The following SIPA1L3 variants were observed in gnomAD, a reference collection of about 807,000 sequenced individuals.
The protein encoded by SIPA1L3 is signal induced proliferation associated 1 like 3.
A neutral mutation model predicts 150.1 loss-of-function variants in SIPA1L3; 59 were observed. The observed-to-expected ratio is 0.39, with a 90% CI of 0.32 to 0.49. The LOEUF (loss-of-function observed/expected upper bound fraction) is 0.49. SIPA1L3 is among the 20% of genes least tolerant of loss of function. The pLI is 0.86. For missense variants in SIPA1L3, 2,211 were observed against 2,489.5 expected (o/e 0.89, Z 2.38); for synonymous variants, 1,070 against 1,077.6 (o/e 0.99, Z 0.14).
intron 10 of SIPA1L3, among the ~76,000 whole-genome samples, chr19:38,137,770 G>T (rs898917661): frequency 6.6e-6 from 1 of 152,078 alleles, no homozygotes; most frequent in African/African-American, 2.4e-5. Flanking sequence ...AGCTGGGACT[G>T]CCCAGCTATG....
intron 1 of SIPA1L3, among the ~76,000 whole-genome samples, chr19:37,975,068 A>G (rs568719218): frequency 6.6e-6 from 1 of 152,192 alleles, no homozygotes; most frequent in Non-Finnish European, 1.5e-5. Context: ...TACGGTGCCT[A>G]CCAGACTCCA....
chr19:38,098,595 A>G (rs1280892376), intron 4 of SIPA1L3, among the ~76,000 whole-genome samples: 3 of 152,034 alleles, frequency 2.0e-5, no homozygotes, highest in Non-Finnish European at 4.4e-5. Flanking sequence ...GGGTTTTGCC[A>G]TGTTGGCCAG....
intron 1 of SIPA1L3, among the ~76,000 whole-genome samples, chr19:37,966,008 G>A (rs1243288146): frequency 6.6e-6 from 1 of 152,146 alleles, no homozygotes; most frequent in African/African-American, 2.4e-5. Flanking sequence ...TATTTTGCAC[G>A]GCCAAAGTGT....
At chr19:37,950,303 A>G (rs867600436) in intron 1 of SIPA1L3, among the ~76,000 whole-genome samples, 2 of 152,080 alleles carry the variant, frequency 1.3e-5, no homozygotes, top group African/African-American at 2.4e-5. Flanking sequence ...TAAGCACTCA[A>G]AGTATTAGTT....
chr19:38,072,919 C>T (rs1969755243), intron 2 of SIPA1L3, among the ~76,000 whole-genome samples: 1 of 152,332 alleles, frequency 6.6e-6, no homozygotes, highest in East Asian at 1.9e-4. Flanking sequence ...GCTTGCTTGT[C>T]GCAGGGGCAA....
At chr19:38,099,029 CTCT>C (rs1970440293) in intron 4 of SIPA1L3, among the ~76,000 whole-genome samples, 2 of 151,946 alleles carry the variant, frequency 1.3e-5, no homozygotes, top group Admixed American at 6.6e-5. Context: ...TTCTTCTCTT[CTCT>C]TCTTCTTTTC....
chr19:37,985,258 G>A (rs59585810), intron 1 of SIPA1L3, among the ~76,000 whole-genome samples: 1,915 of 150,954 alleles, frequency 0.013, 48 homozygotes, highest in African/African-American at 0.045. Flanking sequence ...GTGCAGTGGT[G>A]CAATCTTGGC....
At chr19:38,079,431 C>T (rs1046560912) in intron 2 of SIPA1L3, among the ~76,000 whole-genome samples, 2 of 152,134 alleles carry the variant, frequency 1.3e-5, no homozygotes, top group South Asian at 2.1e-4. Flanking sequence ...GTAGACAGAA[C>T]GAACAACTGC....
intron 15 of SIPA1L3, among the ~76,000 whole-genome samples, chr19:38,177,565 T>C (rs534853260): frequency 6.6e-6 from 1 of 152,302 alleles, no homozygotes; most frequent in Non-Finnish European, 1.5e-5. Flanking sequence ...TATTTCTTTT[T>C]TTCTCTATAC....
intron 12 of SIPA1L3, among the ~76,000 whole-genome samples, chr19:38,148,308 G>T (rs1002589698): frequency 6.6e-6 from 1 of 150,792 alleles, no homozygotes; most frequent in East Asian, 2.0e-4. Flanking sequence ...CTGAGATCGC[G>T]CCACTGCACT....
At chr19:37,963,946 T>A (rs1003171569) in intron 1 of SIPA1L3, 5 of 152,214 alleles carry the variant, frequency 3.3e-5, no homozygotes, top group African/African-American at 4.8e-5. Context: ...TGTTTTTTAA[T>A]TTTACTTTTT....
chr19:38,094,387 C>T (rs550597830), intron 4 of SIPA1L3, among the ~76,000 whole-genome samples: 1 of 152,162 alleles, frequency 6.6e-6, no homozygotes, highest in South Asian at 2.1e-4. Flanking sequence ...TAGCTGAGAC[C>T]ACAGGCATGC....
intron 1 of SIPA1L3, among the ~76,000 whole-genome samples, chr19:37,967,388 G>T (rs939402054): frequency 5.3e-5 from 8 of 151,818 alleles, no homozygotes; most frequent in Non-Finnish European, 1.0e-4. Flanking sequence ...CGAGTAGCTG[G>T]GATTACAGGC....
chr19:38,157,983 G>A (rs1046328491), intron 13 of SIPA1L3, among the ~76,000 whole-genome samples: 1 of 152,224 alleles, frequency 6.6e-6, no homozygotes, highest in African/African-American at 2.4e-5. Context: ...TCTCATGTCT[G>A]TAATCCCAGC....
At chr19:38,055,836 GCTTT>G (rs1969302817) in intron 2 of SIPA1L3, among the ~76,000 whole-genome samples, 1 of 152,216 alleles carries the variant, frequency 6.6e-6, no homozygotes, top group Non-Finnish European at 1.5e-5. Flanking sequence ...CTTGGGAGAA[GCTTT>G]AAAACCTGGC....
chr19:38,057,340 G>GTA (rs1032293249), intron 2 of SIPA1L3, among the ~76,000 whole-genome samples: 12 of 149,606 alleles, frequency 8.0e-5, no homozygotes, highest in African/African-American at 1.5e-4. Context: ...ACACACACAC[G>GTA]TATATATATA....
intron 1 of SIPA1L3, among the ~76,000 whole-genome samples, chr19:37,946,302 T>TTG (rs1555768316): frequency 9.9e-5 from 15 of 151,834 alleles, no homozygotes; most frequent in South Asian, 2.1e-4. Flanking sequence ...ACACTTTTTT[T>TTG]TGTGTGTGTG....
chr19:38,177,165 C>T (rs332853), intron 15 of SIPA1L3, among the ~76,000 whole-genome samples: 99,354 of 151,596 alleles, frequency 0.66, 33,097 homozygotes, highest in African/African-American at 0.78. Flanking sequence ...ATCGAGACCA[C>T]CCTGGCTAAC....
chr19:37,946,097 A>G (rs1021162443), intron 1 of SIPA1L3, among the ~76,000 whole-genome samples: 3 of 151,976 alleles, frequency 2.0e-5, no homozygotes, highest in African/African-American at 7.2e-5. Flanking sequence ...AGAGGTTGCA[A>G]TGAACCAAGA....
Sources: gnomAD v4.1 joint callset for allele counts (sites outside exome capture counted in the v4.1 genomes callset) on GRCh38, gnomAD v4.1.1 for gene constraint, MANE v1.5 for transcripts, NCBI Gene and HGNC (gene_info 2026-07-23, HGNC 2026-07-21) for gene names.